ARHGAP26: variants seen among roughly 807,000 people sequenced by gnomAD.
ARHGAP26 encodes Rho GTPase activating protein 26.
In ARHGAP26, 38 loss-of-function variants were observed where a neutral mutation model predicts 104.8. That is an observed-to-expected ratio of 0.36 (90% CI 0.28 to 0.48). The LOEUF is 0.48. Among genes scored for constraint, ARHGAP26 ranks in the 20% least tolerant of loss-of-function variants. The pLI, the probability that ARHGAP26 is intolerant of heterozygous loss-of-function variation, is 0.99. For missense variants in ARHGAP26, 704 were observed against 947.9 expected (o/e 0.74, Z 3.38); for synonymous variants, 341 against 340.0 (o/e 1.00, Z -0.03).
Position 143,057,907 on chromosome 5 carries a change from A to C in ARHGAP26, c.1538+160A>C, listed in dbSNP as rs148333076. 3.3e-4 allele frequency: 247 copies of C among 740,214 alleles called. No homozygotes were observed. The East Asian group carries it at 6.1e-3, about 18-fold the overall frequency. The allele number at this position is 740,214 out of a possible 1,614,324, so 45.9% of individuals were successfully genotyped here. ...ATGTGTGAAATGTTCATTGCAGTGG[A>C]GAACAGCAGCAAATGCCAGATGGCC... is the stretch of plus-strand genomic sequence containing the variant. On this transcript the variant is annotated intron_variant, in intron 17 of 22. Transcript: ENST00000645722.
intron 11 of ARHGAP26, among the ~76,000 whole-genome samples, chr5:142,960,215 C>T (rs1253557521): frequency 1.3e-5 from 2 of 152,218 alleles, no homozygotes; most frequent in African/African-American, 4.8e-5. Flanking sequence ...TTCTGTCCTT[C>T]CCCTGATGAC....
At chr5:142,949,184 A>AG (rs1767713447) in intron 11 of ARHGAP26, among the ~76,000 whole-genome samples, 1 of 23,446 alleles carries the variant, frequency 4.3e-5, no homozygotes, top group African/African-American at 4.8e-4. Context: ...AGAGAGAGAG[A>AG]GAGAGAGAGA....
chr5:143,041,870 A>C lies in ARHGAP26; in HGVS notation c.1265A>C (p.Lys422Thr). The C allele has an allele frequency of 2.3e-5, 36 of 1,597,434 alleles. No individual in the cohort carries two copies. The highest frequency in any genetic ancestry group is 3.0e-5 in the Non-Finnish European group (35 of 1,171,532). ...RIVGVNSRVQ[K>T]LLSVLMDPKT... ...GTGGGTGTCAACTCCAGAGTGCAGAAGTTGCTGAGTGTCCTGATGGGTGAG... is the reference window on the plus strand; with the variant it reads ...GTGGGTGTCAACTCCAGAGTGCAGACGTTGCTGAGTGTCCTGATGGGTGAG... The change falls in exon 14 of 23, where the codon AAG becomes ACG. Residue 422 changes from lysine to threonine, a missense_variant. Coordinates refer to ENST00000645722, the MANE Select transcript of ARHGAP26 (RefSeq NM_001135608.3).
Position 142,919,185 on chromosome 5 carries a change from G to A in ARHGAP26, c.1028+5892G>A, listed in dbSNP as rs1762876063. On this transcript the variant is annotated intron_variant, in intron 10 of 22. Coordinates refer to ENST00000645722, the MANE Select transcript of ARHGAP26 (RefSeq NM_001135608.3). Reference sequence around the variant, plus strand: ...ACGTCATTAGGGTGGGCCTTAATGCGATATTACCATTGTCCTTGTAAAAAG... The same window carrying A: ...ACGTCATTAGGGTGGGCCTTAATGCAATATTACCATTGTCCTTGTAAAAAG... The A allele has an allele frequency of 7.5e-6, 3 of 398,458 alleles. 1 individual carries two copies. The highest frequency in any genetic ancestry group is 2.6e-4 in the South Asian group (2 of 7,764). The allele number at this position is 398,458 out of a possible 1,614,324, so 24.7% of individuals were successfully genotyped here. A position where few individuals can be genotyped will look rare whatever the true frequency, so the allele number is the denominator to read the frequency against.
chr5:143,008,405 G>T (rs1055987590), intron 11 of ARHGAP26, among the ~76,000 whole-genome samples: 32 of 152,212 alleles, frequency 2.1e-4, no homozygotes, highest in Admixed American at 1.6e-3. Flanking sequence ...ACTTTGTCAT[G>T]CAGAGGAGAT....
Position 142,873,292 on chromosome 5 carries a change from A to G in ARHGAP26, c.155-108A>G, listed in dbSNP as rs1755602347. On this transcript the variant is annotated intron_variant, in intron 1 of 22. Transcript: ENST00000645722. Reference sequence around the variant, plus strand: ...TTTTGTGCTTTGAAATGGACTCAGGAACAAATCCGCCTCCTAAGATATTCC... The same window carrying G: ...TTTTGTGCTTTGAAATGGACTCAGGGACAAATCCGCCTCCTAAGATATTCC... 3 of 734,530 alleles carry G rather than the reference A, an allele frequency of 4.1e-6. No individual in the cohort carries two copies. The Admixed American group carries it at 9.4e-5, about 23-fold the overall frequency. 45.5% of individuals were successfully genotyped at this position (734,530 alleles called of 1,614,324 possible).
At chr5:142,814,206 C>T (rs1764667119) in intron 1 of ARHGAP26, among the ~76,000 whole-genome samples, 1 of 152,226 alleles carries the variant, frequency 6.6e-6, no homozygotes, top group Non-Finnish European at 1.5e-5. Flanking sequence ...TGATATTGTC[C>T]TTCAGACAAG....
At chr5:142,934,172 C>T (rs1382064571) in intron 11 of ARHGAP26, among the ~76,000 whole-genome samples, 1 of 152,154 alleles carries the variant, frequency 6.6e-6, no homozygotes, top group African/African-American at 2.4e-5. Flanking sequence ...TCTCCCCATC[C>T]TCTCTCCCCA....
chr5:142,963,597 T>C (rs1361222142), intron 11 of ARHGAP26, among the ~76,000 whole-genome samples: 1 of 152,202 alleles, frequency 6.6e-6, no homozygotes, highest in Non-Finnish European at 1.5e-5. Context: ...AGGATTAAAA[T>C]AACTACATCA....
chr5:142,780,114 G>C (rs1757197745), intron 1 of ARHGAP26, among the ~76,000 whole-genome samples: 1 of 152,104 alleles, frequency 6.6e-6, no homozygotes, highest in Admixed American at 6.6e-5. Flanking sequence ...CATACACATT[G>C]TGCCATATGT....
intron 17 of ARHGAP26, among the ~76,000 whole-genome samples, chr5:143,066,544 G>A (rs1215065433): frequency 6.6e-6 from 1 of 152,166 alleles, no homozygotes; most frequent in African/African-American, 2.4e-5. Flanking sequence ...AGAAATCCGG[G>A]AACGGGAGAA....
chr5:142,963,198 A>ATATATATATATGTGTGTGTGTGTG (rs869247749), intron 11 of ARHGAP26, among the ~76,000 whole-genome samples: 4 of 98,330 alleles, frequency 4.1e-5, no homozygotes, highest in South Asian at 8.2e-4. Context: ...ATATATATAT[A>ATATATATATATGTGTGTGTGTGTG]TGTGTGTGTG....
At chr5:143,125,808 C>T (rs1372068834) in intron 18 of ARHGAP26, among the ~76,000 whole-genome samples, 1 of 152,192 alleles carries the variant, frequency 6.6e-6, no homozygotes. Context: ...TTATATCCAT[C>T]ATTCAATTTT....
intron 1 of ARHGAP26, among the ~76,000 whole-genome samples, chr5:142,834,820 T>A (rs1769227564): frequency 6.6e-6 from 1 of 152,242 alleles, no homozygotes; most frequent in African/African-American, 2.4e-5. Context: ...GTGGAGAAAC[T>A]GCCTCCAACT....
At chr5:143,077,940 A>T (rs1045475292) in intron 17 of ARHGAP26, among the ~76,000 whole-genome samples, 4 of 152,020 alleles carry the variant, frequency 2.6e-5, no homozygotes, top group Non-Finnish European at 5.9e-5. Flanking sequence ...AATCTCCTTA[A>T]GCCCCTGATT....
At chr5:143,139,220 T>G (rs533660514) in intron 19 of ARHGAP26, among the ~76,000 whole-genome samples, 2 of 152,276 alleles carry the variant, frequency 1.3e-5, no homozygotes, top group South Asian at 4.1e-4. Context: ...AAAATAAAAA[T>G]AATTATAGCT....
chr5:142,936,402 G>A (rs1765428793), intron 11 of ARHGAP26, among the ~76,000 whole-genome samples: 1 of 152,058 alleles, frequency 6.6e-6, no homozygotes, highest in African/African-American at 2.4e-5. Context: ...TAAATGGAGA[G>A]ACATTAATGG....
intron 1 of ARHGAP26, among the ~76,000 whole-genome samples, chr5:142,832,159 CCT>C (rs779756314): frequency 6.6e-5 from 10 of 152,166 alleles, no homozygotes; most frequent in Admixed American, 1.3e-4. Flanking sequence ...TTAGTGGTCC[CCT>C]GGTGAGTGAA....
intron 19 of ARHGAP26, among the ~76,000 whole-genome samples, chr5:143,137,691 A>G (rs1798052819): frequency 6.6e-6 from 1 of 152,146 alleles, no homozygotes; most frequent in Admixed American, 6.5e-5. Flanking sequence ...TTGCAAGTTA[A>G]TGTTTATTTG....
Sources: gnomAD v4.1 joint callset for allele counts (sites outside exome capture counted in the v4.1 genomes callset) on GRCh38, gnomAD v4.1.1 for gene constraint, MANE v1.5 for transcripts, NCBI Gene and HGNC (gene_info 2026-07-23, HGNC 2026-07-21) for gene names.